MAD1L1: variants seen among roughly 807,000 people sequenced by gnomAD.
MAD1L1 encodes mitotic spindle assembly checkpoint protein MAD1.
In MAD1L1, 95 loss-of-function variants were observed where a neutral mutation model predicts 96.9. That is an observed-to-expected ratio of 0.98 (90% CI 0.83 to 1.16). The LOEUF (loss-of-function observed/expected upper bound fraction) is 1.16, where lower values mean the gene tolerates loss of function less well. MAD1L1 is among the 50% of genes most tolerant of loss of function. The pLI, the probability that MAD1L1 is intolerant of heterozygous loss-of-function variation, is 0.00. For missense variants in MAD1L1, 1,007 were observed against 954.4 expected (o/e 1.06, Z -0.73); for synonymous variants, 473 against 396.6 (o/e 1.19, Z -2.29).
At chr7:2,156,778 G>C (rs1307598521) in intron 10 of MAD1L1, among the ~76,000 whole-genome samples, 18 of 150,200 alleles carry the variant, frequency 1.2e-4, no homozygotes. Flanking sequence ...CTGAGACCAC[G>C]GTATTGCCCT....
chr7:1,850,329 G>A (rs184677860), intron 18 of MAD1L1, among the ~76,000 whole-genome samples: 130 of 152,248 alleles, frequency 8.5e-4, no homozygotes, highest in Middle Eastern at 3.4e-3. Flanking sequence ...TCTATCTTAC[G>A]AGGCGCCCAC....
intron 12 of MAD1L1, among the ~76,000 whole-genome samples, chr7:2,042,846 G>A (rs1043136158): frequency 2.6e-5 from 4 of 151,968 alleles, no homozygotes; most frequent in African/African-American, 4.8e-5. Context: ...ACACAAGAAC[G>A]GACTAATACA....
chr7:2,168,106 G>A lies in MAD1L1; in HGVS notation c.987-18868C>T, dbSNP rs529933003. 7.2e-5 allele frequency among the ~76,000 whole-genome samples: 11 copies of A among 152,190 alleles called. No individual in the cohort carries two copies. The East Asian group carries it at 1.2e-3, about 16-fold the overall frequency. On this transcript the variant is annotated intron_variant, in intron 10 of 18. Transcript: ENST00000265854. ...TCAAGAACAGCCTGGCCAACATGGC[G>A]AAACCCCATCTCTACTAAAAATACA... is the stretch of plus-strand genomic sequence containing the variant.
intron 11 of MAD1L1, among the ~76,000 whole-genome samples, chr7:2,121,330 C>G (rs1787968715): frequency 6.6e-6 from 1 of 152,244 alleles, no homozygotes; most frequent in Admixed American, 6.5e-5. Flanking sequence ...ACCAGGCCCC[C>G]AGCACCTGCC....
intron 18 of MAD1L1, among the ~76,000 whole-genome samples, chr7:1,868,765 T>A (rs73286699): frequency 0.014 from 2,142 of 152,310 alleles, 53 homozygotes; most frequent in African/African-American, 0.049. Flanking sequence ...CAGGACGCAG[T>A]GACGACCACC....
intron 10 of MAD1L1, among the ~76,000 whole-genome samples, chr7:2,211,401 G>A (rs966315320): frequency 2.0e-5 from 3 of 152,234 alleles, no homozygotes; most frequent in Non-Finnish European, 2.9e-5. Context: ...TTTGAAACCA[G>A]CCAGAGACAG....
chr7:1,890,128 C>T (rs1382858504), intron 18 of MAD1L1, among the ~76,000 whole-genome samples: 4 of 152,318 alleles, frequency 2.6e-5, no homozygotes, highest in Middle Eastern at 3.4e-3. Context: ...CTGGACCACA[C>T]GCTCTGTCTG....
intron 10 of MAD1L1, among the ~76,000 whole-genome samples, chr7:2,198,586 C>T (rs1002329385): frequency 6.6e-6 from 1 of 152,226 alleles, no homozygotes; most frequent in African/African-American, 2.4e-5. Context: ...TCAACAGAGG[C>T]GAGTGCTTCC....
intron 12 of MAD1L1, among the ~76,000 whole-genome samples, chr7:2,046,740 G>A (rs1783938896): frequency 6.6e-6 from 1 of 152,172 alleles, no homozygotes; most frequent in Non-Finnish European, 1.5e-5. Context: ...AACCAAGGGT[G>A]GGAAAAGAGG....
At chr7:2,041,835 G>C (rs201439513) in intron 12 of MAD1L1, among the ~76,000 whole-genome samples, 51 of 14,176 alleles carry the variant, frequency 3.6e-3, no homozygotes, top group Admixed American at 8.5e-3. Flanking sequence ...CAGCCCACAG[G>C]GGGGAGGGAT....
At chr7:2,132,511 A>G (rs982530100) in intron 11 of MAD1L1, among the ~76,000 whole-genome samples, 1 of 152,070 alleles carries the variant, frequency 6.6e-6, no homozygotes, top group Non-Finnish European at 1.5e-5. Flanking sequence ...CCGCGTGAAG[A>G]GTAGGTTCAT....
chr7:2,209,471 G>A (rs1039594305), intron 10 of MAD1L1, among the ~76,000 whole-genome samples: 2 of 152,188 alleles, frequency 1.3e-5, no homozygotes, highest in African/African-American at 4.8e-5. Context: ...AACAAGGCAG[G>A]CATGGGACAG....
chr7:2,115,844 G>A (rs911224275), intron 11 of MAD1L1, among the ~76,000 whole-genome samples: 17 of 152,244 alleles, frequency 1.1e-4, no homozygotes, highest in Non-Finnish European at 2.1e-4. Context: ...GAACGGTGGC[G>A]GGCCCTGCGG....
At chr7:1,877,479 G>A (rs1583631068) in intron 18 of MAD1L1, among the ~76,000 whole-genome samples, 1 of 151,374 alleles carries the variant, frequency 6.6e-6, no homozygotes, top group East Asian at 1.9e-4. Context: ...CAGCCCAAAA[G>A]AGGCAAGAAA....
intron 12 of MAD1L1, among the ~76,000 whole-genome samples, chr7:2,039,397 G>A (rs955984217): frequency 1.3e-5 from 2 of 152,298 alleles, no homozygotes; most frequent in East Asian, 3.9e-4. Flanking sequence ...GCGACTGCTG[G>A]TCATATGGGA....
intron 18 of MAD1L1, among the ~76,000 whole-genome samples, chr7:1,828,159 C>T (rs935731691): frequency 6.6e-6 from 1 of 151,854 alleles, no homozygotes; most frequent in Non-Finnish European, 1.5e-5. Context: ...AGCTTCCGGC[C>T]GAGACAGAGC....
intron 18 of MAD1L1, among the ~76,000 whole-genome samples, chr7:1,886,911 G>A (rs1786069947): frequency 6.6e-6 from 1 of 152,284 alleles, no homozygotes; most frequent in South Asian, 2.1e-4. Context: ...ACTCCAGAAG[G>A]TGGTGCCGCA....
intron 10 of MAD1L1, among the ~76,000 whole-genome samples, chr7:2,172,671 G>C (rs1790762884): frequency 6.6e-6 from 1 of 152,362 alleles, no homozygotes; most frequent in East Asian, 1.9e-4. Flanking sequence ...GTGCCAGCTC[G>C]AGTGCCTGAT....
intron 18 of MAD1L1, among the ~76,000 whole-genome samples, chr7:1,838,330 G>A (rs1783046370): frequency 6.6e-6 from 1 of 152,216 alleles, no homozygotes. Context: ...GCTTATGGGT[G>A]TACACCCAAG....
Sources: allele counts gnomAD v4.1 joint callset (sites outside exome capture counted in the v4.1 genomes callset), GRCh38; gene constraint gnomAD v4.1.1; transcripts MANE v1.5; gene names NCBI Gene and HGNC (gene_info 2026-07-23, HGNC 2026-07-21).